NFKB1: variants seen among roughly 807,000 people sequenced by gnomAD.
NFKB1 encodes the protein nuclear factor NF-kappa-B p105 subunit.
A neutral mutation model predicts 105.1 loss-of-function variants in NFKB1; 9 were observed. The observed-to-expected ratio is 0.09, with a 90% CI of 0.05 to 0.15. The LOEUF is 0.15. NFKB1 is among the 10% of genes least tolerant of loss of function. NFKB1 has a pLI of 1.00. For missense variants in NFKB1, 830 were observed against 1,203.7 expected (o/e 0.69, Z 4.59); for synonymous variants, 440 against 442.2 (o/e 1.00, Z 0.06).
At chr4:102,566,726 A>G (rs2149167738) in intron 5 of NFKB1, among the ~76,000 whole-genome samples, 1 of 152,324 alleles carries the variant, frequency 6.6e-6, no homozygotes, top group East Asian at 1.9e-4. Flanking sequence ...TCCAACTTTC[A>G]CAATACATAT....
At chr4:102,517,186 G>A (rs993814400) in intron 1 of NFKB1, among the ~76,000 whole-genome samples, 3 of 152,140 alleles carry the variant, frequency 2.0e-5, no homozygotes, top group African/African-American at 7.2e-5. Context: ...GCCCATTGGT[G>A]TTCTCTCTTT....
chr4:102,608,878 C>G (rs1305279304), intron 19 of NFKB1, among the ~76,000 whole-genome samples: 1 of 152,082 alleles, frequency 6.6e-6, no homozygotes, highest in Admixed American at 6.5e-5. Context: ...ACCAGCCAGA[C>G]GTGATGGCTC....
At chr4:102,596,785 G>A (rs746264292) in intron 14 of NFKB1, among the ~76,000 whole-genome samples, 3 of 151,738 alleles carry the variant, frequency 2.0e-5, no homozygotes, top group Non-Finnish European at 2.9e-5. Context: ...GTACTTTTGC[G>A]TTTACTGTGA....
chr4:102,580,455 A>AGG, intron 8 of NFKB1, 80 bp from the exon 9 acceptor site: 1 of 1,108,488 alleles, frequency 9.0e-7, no homozygotes, highest in Non-Finnish European at 1.4e-6. Flanking sequence ...ATGTGTGCTA[A>AGG]GGGGAGGGTC....
chr4:102,583,054 A>C, intron 10 of NFKB1, 97 bp downstream of exon 10: 1 of 754,740 alleles, frequency 1.3e-6, no homozygotes, highest in Non-Finnish European at 2.1e-6. Flanking sequence ...ATCACAGCTC[A>C]CTGTATCCCC....
chr4:102,575,641 A>G (rs966030804), intron 6 of NFKB1, among the ~76,000 whole-genome samples: 1 of 152,126 alleles, frequency 6.6e-6, no homozygotes, highest in African/African-American at 2.4e-5. Flanking sequence ...CACATTCATC[A>G]TTCATATGTT....
chr4:102,612,189 C>A, intron 21 of NFKB1, 79 bp downstream of exon 21: 1 of 1,317,808 alleles, frequency 7.6e-7, no homozygotes, highest in Non-Finnish European at 1.1e-6. Context: ...CAGCATTATC[C>A]AGGGTCTACT....
chr4:102,610,589 G>A lies in NFKB1; in HGVS notation c.2242G>A (p.Val748Met). The stretch of plus-strand genomic sequence containing the variant: ...TAACTTCGCAGGAGCAGATCCCCTG[G>A]TGGAGAACTTTGAGCCTCTCTATGA... Reference protein sequence around the residue: ...LLKAAGADPLVENFEPLYDLD... With the variant: ...LLKAAGADPLMENFEPLYDLD... The change falls in exon 20 of 24, where the codon GTG (valine) becomes ATG (methionine). Residue 748 changes from valine (V) to methionine (M), a missense_variant. By Grantham distance (21) the Val-to-Met change is conservative (BLOSUM62 1). Transcript: ENST00000226574. The A allele has an allele frequency of 7.4e-6, 12 of 1,613,930 alleles. No individual in the cohort carries two copies. The highest frequency in any genetic ancestry group is 1.0e-5 in the Non-Finnish European group (12 of 1,179,884).
chr4:102,561,485 C>T (rs1273907628), intron 5 of NFKB1, among the ~76,000 whole-genome samples: 2 of 152,092 alleles, frequency 1.3e-5, no homozygotes, highest in African/African-American at 2.4e-5. Flanking sequence ...TTAGGAATAA[C>T]TGTCATCTAT....
rs532742417 is a variant in NFKB1 at position 102,613,716 on chromosome 4, C to T, written c.2749+135C>T. The T allele has an allele frequency of 3.2e-5, 33 of 1,037,108 alleles. No homozygotes were observed. The African/African-American group carries it at 4.0e-4, about 13-fold the overall frequency. The allele number at this position is 1,037,108 out of a possible 1,614,324, so 64.2% of individuals were successfully genotyped here. On this transcript the variant is annotated intron_variant, in intron 23 of 23. Transcript: ENST00000226574. ...CACTTCCCTGTGTGTCTCTCTACCCCCTGGGCTCACCCTCTGCCTCTCTTG... is the reference window on the plus strand; with the variant it reads ...CACTTCCCTGTGTGTCTCTCTACCCTCTGGGCTCACCCTCTGCCTCTCTTG...
At chr4:102,610,484 ATTGCTTTGCCT>A in intron 19 of NFKB1, 80 bp from the exon 20 acceptor site, 2 of 1,419,386 alleles carry the variant, frequency 1.4e-6, no homozygotes, top group Non-Finnish European at 1.9e-6. Context: ...AAGCTGCTAC[ATTGCTTTGCCT>A]TTGGGAATCT....
At chr4:102,608,241 GC>G (rs1297725100) in intron 19 of NFKB1, among the ~76,000 whole-genome samples, 1 of 152,220 alleles carries the variant, frequency 6.6e-6, no homozygotes, top group African/African-American at 2.4e-5. Context: ...AAAATGGCTA[GC>G]ACTTATTGAC....
chr4:102,588,705 T>C (rs757745621), intron 11 of NFKB1, among the ~76,000 whole-genome samples: 3 of 152,206 alleles, frequency 2.0e-5, no homozygotes, highest in Non-Finnish European at 2.9e-5. Flanking sequence ...TGTAAAGTCA[T>C]TGATTATTAA....
chr4:102,594,822 G>A, intron 12 of NFKB1, 70 bp from the exon 13 acceptor site: 2 of 1,109,442 alleles, frequency 1.8e-6, no homozygotes, highest in Non-Finnish European at 2.7e-6. Context: ...CTGAGAGACA[G>A]ACACTAAGTT....
chr4:102,527,196 A>G (rs1044245656), intron 2 of NFKB1, among the ~76,000 whole-genome samples: 5 of 152,210 alleles, frequency 3.3e-5, no homozygotes, highest in African/African-American at 1.2e-4. Flanking sequence ...GAACAGAGAC[A>G]TTGTTTTCAT....
chr4:102,533,853 C>G lies in NFKB1; in HGVS notation c.127C>G (p.Pro43Ala), dbSNP rs201487209. 2 of 1,611,958 alleles carry G rather than the reference C, an allele frequency of 1.2e-6. No individual in the cohort carries two copies. The highest frequency in any genetic ancestry group is 1.7e-6 in the Non-Finnish European group (2 of 1,179,212). The change falls in exon 4 of 24, where the codon CCA (proline) becomes GCA (alanine). Residue 43 changes from proline to alanine, a missense_variant. Coordinates refer to ENST00000226574, the MANE Select transcript of NFKB1 (RefSeq NM_003998.4). ...PQMALPTADG[P>A]YLQILEQPKQ... is the part of the protein sequence containing the mutation. Reference sequence around the variant, plus strand: ...GTTGTTTTTGTTTTTAGCAGATGGCCCATACCTTCAAATATTAGAGCAACC... The same window carrying G: ...GTTGTTTTTGTTTTTAGCAGATGGCGCATACCTTCAAATATTAGAGCAACC...
Position 102,515,107 on chromosome 4 carries a change from A to ATTTTTTT in NFKB1, c.-7-10390_-7-10384dup, listed in dbSNP as rs34257045. Among the ~76,000 whole-genome samples the ATTTTTTT allele has an allele frequency of 7.4e-4, 71 of 95,634 alleles. 1 individual carries two copies. The highest frequency in any genetic ancestry group is 1.0e-3 in the Non-Finnish European group (54 of 51,906). The allele number at this position is 95,634 out of a possible 152,430, so 62.7% of individuals were successfully genotyped here. On this transcript the variant is annotated intron_variant, in intron 1 of 23. Transcript: ENST00000226574. Reference sequence around the variant, plus strand: ...TCCATGTAATATTATTATTATTATTATTTTTTTTTTTTTTTTTTTTTGAGA... The same window carrying ATTTTTTT: ...TCCATGTAATATTATTATTATTATTATTTTTTTTTTTTTTTTTTTTTTTTTTTTGAGA...
intron 16 of NFKB1, among the ~76,000 whole-genome samples, chr4:102,602,931 A>G (rs1256670691): frequency 6.6e-6 from 1 of 152,190 alleles, no homozygotes; most frequent in Non-Finnish European, 1.5e-5. Context: ...TAGTCATCAC[A>G]AATCTATGAA....
intron 5 of NFKB1, 81 bp downstream of exon 5, chr4:102,538,037 A>C: frequency 1.1e-6 from 1 of 884,860 alleles, no homozygotes; most frequent in South Asian, 1.4e-5. Context: ...GCTTTAAATG[A>C]GTACGGGTTG....
Sources: gnomAD v4.1 joint callset for allele counts (sites outside exome capture counted in the v4.1 genomes callset) on GRCh38, gnomAD v4.1.1 for gene constraint, MANE v1.5 for transcripts, NCBI Gene and HGNC (gene_info 2026-07-23, HGNC 2026-07-21) for gene names.